Variants in ADK observed in about 807,000 individuals in gnomAD.
ADK encodes N6,N6-dimethyladenosine kinase.
In ADK, 24 loss-of-function variants were observed where a neutral mutation model predicts 44.7. The ratio of observed to expected loss-of-function variants is 0.54; its 90% CI spans 0.39 to 0.76. ADK has a LOEUF of 0.76. ADK is among the 30% of genes least tolerant of loss of function. ADK has a pLI of 0.00. For synonymous variants in ADK, 128 were observed against 142.6 expected (o/e 0.90, Z 0.73); for missense variants, 321 against 425.1 (o/e 0.76, Z 2.15).
intron 2 of ADK, among the ~76,000 whole-genome samples, chr10:74,212,691 C>A (rs1843863668): frequency 6.6e-6 from 1 of 152,170 alleles, no homozygotes; most frequent in Non-Finnish European, 1.5e-5. Flanking sequence ...TTTAAGCAGG[C>A]AGATGACATG....
intron 4 of ADK, among the ~76,000 whole-genome samples, chr10:74,340,118 T>A (rs1346258868): frequency 6.6e-6 from 1 of 152,212 alleles, no homozygotes; most frequent in East Asian, 1.9e-4. Context: ...GAGTTAATAT[T>A]AACATATTCT....
At chr10:74,495,725 C>T (rs1207353291) in intron 6 of ADK, among the ~76,000 whole-genome samples, 1 of 152,130 alleles carries the variant, frequency 6.6e-6, no homozygotes, top group Non-Finnish European at 1.5e-5. Context: ...ACCTTCCCTC[C>T]ATTATTCTGC....
intron 3 of ADK, among the ~76,000 whole-genome samples, chr10:74,301,024 T>C (rs1178625301): frequency 1.3e-5 from 2 of 152,208 alleles, no homozygotes; most frequent in East Asian, 3.8e-4. Flanking sequence ...AAAGGGGAAA[T>C]ATCAAGAAAA....
intron 9 of ADK, among the ~76,000 whole-genome samples, chr10:74,603,002 CATTTAATAATGATTAAGA>C (rs1852194060): frequency 6.6e-6 from 1 of 152,100 alleles, no homozygotes; most frequent in Non-Finnish European, 1.5e-5. Flanking sequence ...CATGTTAAGC[CATTTAATAATGATTAAGA>C]ACATAAAAAT....
intron 6 of ADK, among the ~76,000 whole-genome samples, chr10:74,460,601 A>G (rs573897877): frequency 6.6e-6 from 1 of 152,224 alleles, no homozygotes; most frequent in Non-Finnish European, 1.5e-5. Flanking sequence ...TTTATATTCA[A>G]TGTAAATGAT....
At chr10:74,431,229 A>G (rs1416189583) in intron 6 of ADK, among the ~76,000 whole-genome samples, 3 of 152,150 alleles carry the variant, frequency 2.0e-5, no homozygotes, top group Non-Finnish European at 2.9e-5. Context: ...TGAGAAAAGG[A>G]AAGGAGGCAA....
At chr10:74,335,171 G>C (rs1345312362) in intron 4 of ADK, among the ~76,000 whole-genome samples, 1 of 152,160 alleles carries the variant, frequency 6.6e-6, no homozygotes, top group Non-Finnish European at 1.5e-5. Context: ...GGGGAAAATG[G>C]AATGGGGGGT....
chr10:74,386,795 A>T (rs1430170844), intron 4 of ADK, among the ~76,000 whole-genome samples: 1 of 152,046 alleles, frequency 6.6e-6, no homozygotes, highest in African/African-American at 2.4e-5. Context: ...TGTTAATATT[A>T]TATTCTTGTT....
intron 3 of ADK, among the ~76,000 whole-genome samples, chr10:74,295,688 C>G (rs1484318283): frequency 6.7e-6 from 1 of 149,756 alleles, no homozygotes; most frequent in Admixed American, 6.6e-5. Context: ...GGTTTTATTT[C>G]TTAAATGTTT....
chr10:74,574,005 T>A (rs1851076830), intron 7 of ADK, among the ~76,000 whole-genome samples: 2 of 152,128 alleles, frequency 1.3e-5, no homozygotes, highest in South Asian at 4.1e-4. Flanking sequence ...CACAGTGCGC[T>A]GCACCCACTG....
At chr10:74,499,846 G>C (rs1847831210) in intron 6 of ADK, among the ~76,000 whole-genome samples, 1 of 152,072 alleles carries the variant, frequency 6.6e-6, no homozygotes, top group South Asian at 2.1e-4. Flanking sequence ...ATCTTATACT[G>C]TTCTGTTTTC....
chr10:74,248,651 G>T lies in ADK; in HGVS notation c.194+24060G>T, dbSNP rs746471705. On this transcript the variant is annotated intron_variant, in intron 3 of 10. Coordinates refer to ENST00000539909, the MANE Select transcript of ADK (RefSeq NM_006721.4). ...CTACAGGCATGATCCACCGTGCCCA[G>T]CCTTCAAATTCTTTTATTAAGTGTT... Among the ~76,000 whole-genome samples, 16 of 152,152 alleles carry T rather than the reference G, an allele frequency of 1.1e-4. 1 individual carries two copies. The highest frequency in any genetic ancestry group is 1.3e-4 in the Non-Finnish European group (9 of 68,030).
chr10:74,434,583 A>C (rs1332882022), intron 6 of ADK, among the ~76,000 whole-genome samples: 1 of 152,186 alleles, frequency 6.6e-6, no homozygotes, highest in East Asian at 1.9e-4. Flanking sequence ...CAGAAAACAA[A>C]ATGTGGATTG....
chr10:74,685,729 A>G (rs1245932221), intron 10 of ADK, among the ~76,000 whole-genome samples: 1 of 152,164 alleles, frequency 6.6e-6, no homozygotes, highest in African/African-American at 2.4e-5. Flanking sequence ...ATTTTATTCT[A>G]TGCAATTTTC....
At chr10:74,199,855 T>C (rs1265595996) in intron 1 of ADK, among the ~76,000 whole-genome samples, 1 of 151,996 alleles carries the variant, frequency 6.6e-6, no homozygotes, top group African/African-American at 2.4e-5. Flanking sequence ...AATTTTTGTA[T>C]TTTTTATACA....
At chr10:74,707,629 G>A (rs1205753899) in intron 10 of ADK, among the ~76,000 whole-genome samples, 1 of 151,746 alleles carries the variant, frequency 6.6e-6, no homozygotes, top group Non-Finnish European at 1.5e-5. Flanking sequence ...TGGGCGTGAT[G>A]GAAGGCACCT....
chr10:74,410,332 G>T (rs1160774935), intron 6 of ADK, among the ~76,000 whole-genome samples: 2 of 152,006 alleles, frequency 1.3e-5, no homozygotes, highest in Non-Finnish European at 2.9e-5. Flanking sequence ...AAGTTGTTTT[G>T]TAATGGTAAC....
intron 7 of ADK, among the ~76,000 whole-genome samples, chr10:74,580,964 T>A (rs889993206): frequency 3.3e-5 from 5 of 151,692 alleles, no homozygotes; most frequent in African/African-American, 1.2e-4. Context: ...GAGCCCAGGA[T>A]TTTGAGGCCA....
chr10:74,403,367 C>T (rs1843784630), intron 6 of ADK, among the ~76,000 whole-genome samples: 1 of 152,186 alleles, frequency 6.6e-6, no homozygotes, highest in Non-Finnish European at 1.5e-5. Flanking sequence ...GCAGGCAGGC[C>T]TCCTTGAGCT....
Sources: allele counts gnomAD v4.1 joint callset (sites outside exome capture counted in the v4.1 genomes callset), GRCh38; gene constraint gnomAD v4.1.1; transcripts MANE v1.5; gene names NCBI Gene and HGNC (gene_info 2026-07-23, HGNC 2026-07-21).